The following EPB41L1 variants were observed in gnomAD, a reference collection of about 807,000 sequenced individuals.
EPB41L1 encodes the protein erythrocyte membrane protein band 4.1 like 1, also known as band 4.1-like protein 1.
Under a neutral mutation model 97.8 loss-of-function variants are expected in EPB41L1, and 29 were observed. That is an observed-to-expected ratio of 0.30 (90% confidence interval 0.22 to 0.40). EPB41L1 has a LOEUF of 0.40. EPB41L1 is among the 10% of genes least tolerant of loss of function. The pLI is 1.00. For missense variants in EPB41L1, 812 were observed against 1,162.3 expected, an observed-to-expected ratio of 0.70 and a Z score of 4.38; for synonymous variants, 383 against 459.2, an observed-to-expected ratio of 0.83 and a Z score of 2.12.
chr20:36,132,833 C>T (rs2059271457), intron 2 of EPB41L1, among the ~76,000 whole-genome samples: 1 of 152,198 alleles, frequency 6.6e-6, no homozygotes, highest in South Asian at 2.1e-4. Context: ...CACCCCTGGC[C>T]TTCAGAGGTA....
At chr20:36,102,443 GTC>G (rs1193184331) in intron 1 of EPB41L1, among the ~76,000 whole-genome samples, 2 of 152,170 alleles carry the variant, frequency 1.3e-5, no homozygotes, top group Non-Finnish European at 2.9e-5. Context: ...GAGAGGGCTG[GTC>G]TCTCATGCCT....
chr20:36,130,787 TTCTCTCTC>T (rs35428172), intron 2 of EPB41L1, among the ~76,000 whole-genome samples: 63 of 143,756 alleles, frequency 4.4e-4, no homozygotes, highest in East Asian at 8.1e-4. Context: ...TTTTAAAAAT[TTCTCTCTC>T]TCTCTCTCTC....
At chr20:36,138,806 A>G (rs1437897803) in intron 2 of EPB41L1, among the ~76,000 whole-genome samples, 1 of 152,092 alleles carries the variant, frequency 6.6e-6, no homozygotes, top group Non-Finnish European at 1.5e-5. Context: ...CCTTGCTTTT[A>G]ACTATTGTGA....
At chr20:36,199,799 T>G (rs1270845896) in intron 14 of EPB41L1, among the ~76,000 whole-genome samples, 1 of 151,608 alleles carries the variant, frequency 6.6e-6, no homozygotes, top group African/African-American at 2.4e-5. Flanking sequence ...GTGGGCGAGG[T>G]GGGATGCAGA....
At chr20:36,228,392 A>G (rs1452384002) in intron 21 of EPB41L1, among the ~76,000 whole-genome samples, 1 of 152,136 alleles carries the variant, frequency 6.6e-6, no homozygotes, top group Non-Finnish European at 1.5e-5. Flanking sequence ...GGAGGAAGCA[A>G]TTGAGGCTTA....
intron 21 of EPB41L1, among the ~76,000 whole-genome samples, chr20:36,225,628 A>G (rs2064096694): frequency 1.3e-5 from 2 of 152,194 alleles, no homozygotes; most frequent in African/African-American, 4.8e-5. Context: ...CTCACTTGCA[A>G]AATGAAGAGG....
chr20:36,098,325 A>C (rs1438676828), intron 1 of EPB41L1, among the ~76,000 whole-genome samples: 2 of 152,136 alleles, frequency 1.3e-5, no homozygotes, highest in Non-Finnish European at 2.9e-5. Context: ...TTAACTTCCT[A>C]GGGGTGCTGT....
chr20:36,219,048 C>T (rs2063614411), intron 18 of EPB41L1, 86 bp downstream of exon 18: 8 of 1,422,342 alleles, frequency 5.6e-6, no homozygotes, highest in African/African-American at 1.4e-5. Context: ...GGAAGTGCAG[C>T]GTTGAGCCCA....
At chr20:36,160,838 T>C (rs986773397) in intron 1 of EPB41L1, among the ~76,000 whole-genome samples, 1 of 152,228 alleles carries the variant, frequency 6.6e-6, no homozygotes, top group African/African-American at 2.4e-5. Flanking sequence ...ATCTCAAAAA[T>C]TTTTGCAATA....
In EPB41L1 at chr20:36,182,142, A is replaced by C. The variant is rs2061495949; in HGVS notation, c.491-130A>C. The C allele has an allele frequency of 2.1e-5, 17 of 809,974 alleles. No individual in the cohort carries two copies. In the South Asian group the frequency reaches 2.4e-4, roughly 12 times the overall value. The allele number at this position is 809,974 out of a possible 1,614,324, so 50.2% of individuals were successfully genotyped here. On this transcript the variant is annotated intron_variant, in intron 5 of 21. Transcript: ENST00000338074. ...ATCTGTCAAATGGGAATAATGTTCC[A>C]GCCTTCCTGATTGGATTGTCCTGAG...
At chr20:36,228,978 A>G (rs1008068931) in intron 21 of EPB41L1, among the ~76,000 whole-genome samples, 1 of 152,094 alleles carries the variant, frequency 6.6e-6, no homozygotes, top group African/African-American at 2.4e-5. Flanking sequence ...GCGAGCAAAC[A>G]CACATGGGCT....
chr20:36,219,678 C>T (rs1212322546), intron 18 of EPB41L1, 83 bp from the exon 19 acceptor site: 1 of 1,166,092 alleles, frequency 8.6e-7, no homozygotes. Context: ...TTCACAGAGC[C>T]CTTTACCCCA....
At chr20:36,203,150 C>T (rs1296607823) in intron 14 of EPB41L1, among the ~76,000 whole-genome samples, 1 of 152,218 alleles carries the variant, frequency 6.6e-6, no homozygotes, top group Non-Finnish European at 1.5e-5. Flanking sequence ...GCCAACCCCT[C>T]GGGCCAGGTG....
Position 36,185,151 on chromosome 20 carries a change from A to T in EPB41L1, c.601A>T (p.Ile201Phe). Residue 201 changes from isoleucine (I) to phenylalanine (F), a missense_variant, in exon 7 of 22, where the codon ATC becomes TTC. Physicochemically the swap from Ile to Phe is conservative, Grantham distance 21 (BLOSUM62 0). Transcript: ENST00000338074. The part of the protein sequence containing the change: ...YLCLQLRADI[I>F]TGRLPCSFVT... ...GTGCCTGCAGCTGCGGGCAGACATC[A>T]TCACGGGCCGGCTGCCATGCTCCTT... The T allele has an allele frequency of 6.2e-7, 1 of 1,612,750 alleles. No homozygotes were observed. The highest frequency in any genetic ancestry group is 8.5e-7 in the Non-Finnish European group (1 of 1,180,026).
rs2064407469 is a variant in EPB41L1 at position 36,229,785 on chromosome 20, A to T, written c.*445A>T. 6.4e-6 allele frequency: 1 copy of T among 155,206 alleles called. No homozygotes were observed. Among genetic ancestry groups the T allele is most frequent in the Admixed American group, 6.4e-5 (1 of 15,522 alleles). The allele number at this position is 155,206 out of a possible 1,614,324, so 9.6% of individuals were successfully genotyped here. ...GCACGTTACAGTTAGCAGACGAGCA[A>T]TTCCATTTGTTCTTCTCCAGCATCT... On this transcript the variant is annotated 3_prime_UTR_variant, in exon 22 of 22. Transcript: ENST00000338074.
At position 36,212,096 on chromosome 20, in the gene EPB41L1, GCTAT is replaced by G. The variant is rs1366348794; in HGVS notation, c.2080-173_2080-170del. ...GTGGTGGTCCTGGCTCTCCTCGCGGGCTATCTGTCTATGATATCACACCACAACT... is the reference window on the plus strand; with the variant it reads ...GTGGTGGTCCTGGCTCTCCTCGCGGGCTGTCTATGATATCACACCACAACT... On this transcript the variant is annotated intron_variant, in intron 15 of 21. Coordinates refer to ENST00000338074, the MANE Select transcript of EPB41L1 (RefSeq NM_012156.2). This position sits in a 1 kb window ranked among gnomAD's most constrained non-coding sequence, Gnocchi z 4.8. Among the ~76,000 whole-genome samples, 1 of 152,206 alleles carries G rather than the reference GCTAT, an allele frequency of 6.6e-6. No homozygotes were observed. The highest frequency in any genetic ancestry group is 1.5e-5 in the Non-Finnish European group (1 of 68,038).
At chr20:36,213,665 C>T (rs1321014856) in intron 16 of EPB41L1, among the ~76,000 whole-genome samples, 1 of 152,082 alleles carries the variant, frequency 6.6e-6, no homozygotes, top group Non-Finnish European at 1.5e-5. Flanking sequence ...CTAGATCCCA[C>T]AGCCCAGTAA....
Position 36,178,610 on chromosome 20 carries a change from A to T in EPB41L1, c.448-20A>T, listed in dbSNP as rs1184782104. 6.2e-7 allele frequency: 1 copy of T among 1,613,438 alleles called. No homozygotes were observed. The highest frequency in any genetic ancestry group is 2.2e-5 in the East Asian group (1 of 44,868). On this transcript the variant is annotated intron_variant, in intron 4 of 21. Transcript: ENST00000338074. ...CCTTTCCTGCGTCTTCCCTCTGAAG[A>T]TCTCTATCTTTTCTTTTAGAACTGG...
chr20:36,141,992 C>G (rs2059656797), intron 2 of EPB41L1, among the ~76,000 whole-genome samples: 2 of 151,598 alleles, frequency 1.3e-5, no homozygotes, highest in South Asian at 4.2e-4. Context: ...ACCTGTAATC[C>G]CAATTACTCG....
Sources: gnomAD v4.1 joint callset for allele counts (sites outside exome capture counted in the v4.1 genomes callset) on GRCh38, gnomAD v4.1.1 for gene constraint, Gnocchi (gnomAD v3.1) non-coding constraint, MANE v1.5 for transcripts, NCBI Gene and HGNC (gene_info 2026-07-23, HGNC 2026-07-21) for gene names.